ZNF577: variants seen among roughly 807,000 people sequenced by gnomAD.
The protein encoded by ZNF577 is zinc finger protein 577.
In ZNF577, 14 loss-of-function variants were observed where a neutral mutation model predicts 13.9. The observed-to-expected ratio is 1.00, with a 90% confidence interval of 0.66 to 1.57. ZNF577 has a LOEUF of 1.57. Among genes scored for constraint, ZNF577 ranks in the 40% most tolerant of loss-of-function variants. The pLI is 0.00. For synonymous variants in ZNF577, 203 were observed against 202.9 expected, an observed-to-expected ratio of 1.00 and a Z score of 0.00; for missense variants, 555 against 579.2, an observed-to-expected ratio of 0.96 and a Z score of 0.43.
rs374411694 is a variant in ZNF577, at chr19:51,873,368, G to A, written c.622C>T (p.His208Tyr). 1.9e-6 allele frequency: 3 copies of A among 1,614,078 alleles called. No homozygotes were observed. The African/African-American group carries it at 4.0e-5, about 22-fold the overall frequency. The stretch of plus-strand genomic sequence containing the variant: ...CATTCATGGGGCTTCTCTCCTGTGT[G>A]AGTTCTCTGATGCTCAGTGAGCTGA... ...KIQLTEHQRTHTGEKPHECSE... is the reference protein window; with the variant it reads ...KIQLTEHQRTYTGEKPHECSE... Residue 208 changes from histidine to tyrosine, a missense_variant, in exon 6 of 6, where the codon CAC (histidine) becomes TAC (tyrosine). Physicochemically the swap from His to Tyr is moderately conservative, Grantham distance 83. Transcript: ENST00000638348.
chr19:51,841,319 A>G (rs13346630), intron 8 of ZNF577, among the ~76,000 whole-genome samples: 11,588 of 152,126 alleles, frequency 0.076, 660 homozygotes, highest in South Asian at 0.22. Context: ...TAAAGCCTGC[A>G]TTTGCTGTAG....
chr19:51,821,359 G>A (rs2084187626), intron 9 of ZNF577, among the ~76,000 whole-genome samples: 1 of 152,122 alleles, frequency 6.6e-6, no homozygotes, highest in Non-Finnish European at 1.5e-5. Flanking sequence ...CGGGACCTTT[G>A]ACAATGTCTA....
intron 8 of ZNF577, among the ~76,000 whole-genome samples, chr19:51,841,574 A>C (rs982377917): frequency 6.6e-6 from 1 of 152,146 alleles, no homozygotes; most frequent in African/African-American, 2.4e-5. Context: ...GCACTGCCAC[A>C]GTACTGGCAG....
At chr19:51,840,484 G>A (rs2084314388) in intron 8 of ZNF577, 5 of 152,316 alleles carry the variant, frequency 3.3e-5, no homozygotes, top group Admixed American at 2.0e-4. Context: ...AGGAGCTCAG[G>A]TAGTAAGGGG....
At chr19:51,815,861 C>A (rs1324402388) in intron 9 of ZNF577, among the ~76,000 whole-genome samples, 38 of 131,322 alleles carry the variant, frequency 2.9e-4, no homozygotes, top group African/African-American at 3.3e-4. Flanking sequence ...GACCCTGTCT[C>A]AAAAAAAAAA....
chr19:51,817,075 G>A (rs1037101452), intron 9 of ZNF577, among the ~76,000 whole-genome samples: 4 of 152,102 alleles, frequency 2.6e-5, no homozygotes, highest in Admixed American at 1.3e-4. Flanking sequence ...CCCACAGAAG[G>A]TTAGAGGTGA....
chr19:51,812,619 T>C (rs1599835543), intron 9 of ZNF577, among the ~76,000 whole-genome samples: 1 of 152,178 alleles, frequency 6.6e-6, no homozygotes, highest in Non-Finnish European at 1.5e-5. Context: ...TACCTAGGGG[T>C]ACCCTCATAG....
intron 8 of ZNF577, among the ~76,000 whole-genome samples, chr19:51,842,584 T>A (rs1470308889): frequency 6.6e-6 from 1 of 152,210 alleles, no homozygotes; most frequent in African/African-American, 2.4e-5. Context: ...TAAATTTCAA[T>A]TATTTATAAA....
At chr19:51,820,628 T>C (rs2122485382) in intron 9 of ZNF577, among the ~76,000 whole-genome samples, 1 of 152,362 alleles carries the variant, frequency 6.6e-6, no homozygotes, top group Non-Finnish European at 1.5e-5. Context: ...ACTGTCTGAA[T>C]GTCTTCTAGG....
rs114943084 is a variant in ZNF577, at chr19:51,825,118, C to T, written c.*600-13444G>A. The T allele has an allele frequency of 3.3e-3, 923 of 281,940 alleles. 8 individuals are homozygous for T. The highest frequency in any genetic ancestry group is 0.019 in the African/African-American group (880 of 45,254). The allele number at this position is 281,940 out of a possible 1,614,324, so 17.5% of individuals were successfully genotyped here. ...TCACAAATCCAGGCTTCTGAAACTT[C>T]GGACCAACCAGCTTCAATCAGGGTT... On this transcript the variant is annotated intron_variant and NMD_transcript_variant, in intron 9 of 10. Coordinates refer to the ZNF577 transcript ENST00000638827.
At chr19:51,848,113 G>C (rs1473757131) in intron 5 of ZNF577, among the ~76,000 whole-genome samples, 1 of 152,164 alleles carries the variant, frequency 6.6e-6, no homozygotes, top group Non-Finnish European at 1.5e-5. Context: ...AAATCTAACT[G>C]ATCCTTTCTA....
intron 8 of ZNF577, among the ~76,000 whole-genome samples, chr19:51,841,886 T>A (rs4802883): frequency 0.076 from 11,601 of 152,044 alleles, 662 homozygotes; most frequent in South Asian, 0.23. Flanking sequence ...TTCTAGAGAA[T>A]AACAAACAAA....
intron 9 of ZNF577, among the ~76,000 whole-genome samples, chr19:51,822,338 G>T (rs931823823): frequency 6.6e-6 from 1 of 152,146 alleles, no homozygotes; most frequent in African/African-American, 2.4e-5. Context: ...ATCAAGATAT[G>T]CCCGCAAAGA....
chr19:51,856,119 A>C (rs7252101), intron 5 of ZNF577, among the ~76,000 whole-genome samples: 20,002 of 152,200 alleles, frequency 0.13, 1,448 homozygotes, highest in East Asian at 0.25. Flanking sequence ...GATGATGTTT[A>C]TGTTGTTTTA....
At chr19:51,849,022 C>A (rs1290682687) in intron 5 of ZNF577, among the ~76,000 whole-genome samples, 1 of 152,068 alleles carries the variant, frequency 6.6e-6, no homozygotes, top group African/African-American at 2.4e-5. Context: ...AATCTGTTTT[C>A]TGCACTGACA....
chr19:51,879,905 G>A (rs1362453994), intron 3 of ZNF577, among the ~76,000 whole-genome samples: 2 of 152,178 alleles, frequency 1.3e-5, no homozygotes, highest in Non-Finnish European at 2.9e-5. Context: ...CTGGAGTTAA[G>A]AAGGTAAGAA....
intron 10 of ZNF577, among the ~76,000 whole-genome samples, chr19:51,810,789 T>A (rs548581979): frequency 6.6e-6 from 1 of 152,194 alleles, no homozygotes; most frequent in Non-Finnish European, 1.5e-5. Flanking sequence ...TTTACCACTC[T>A]CGCTTTTAAT....
At chr19:51,881,403 T>C (rs1013913650) in intron 1 of ZNF577, among the ~76,000 whole-genome samples, 2 of 152,214 alleles carry the variant, frequency 1.3e-5, no homozygotes, top group African/African-American at 2.4e-5. Flanking sequence ...TTTGGTTTAT[T>C]GCACTGTCTT....
At chr19:51,851,480 T>G (rs2084378278) in intron 5 of ZNF577, among the ~76,000 whole-genome samples, 1 of 152,210 alleles carries the variant, frequency 6.6e-6, no homozygotes, top group Non-Finnish European at 1.5e-5. Context: ...TGGGTTACTA[T>G]TCTTTCAACT....
Sources: allele counts gnomAD v4.1 joint callset (sites outside exome capture counted in the v4.1 genomes callset), GRCh38; gene constraint gnomAD v4.1.1; transcripts MANE v1.5; gene names NCBI Gene and HGNC (gene_info 2026-07-23, HGNC 2026-07-21).